Variants in KCNK13 observed in about 807,000 individuals in gnomAD.
KCNK13 encodes potassium channel subfamily K member 13.
A neutral mutation model predicts 23.4 loss-of-function variants in KCNK13; 12 were observed. The ratio of observed to expected loss-of-function variants is 0.51; its 90% CI spans 0.33 to 0.83. The LOEUF is 0.83. KCNK13 is among the 40% of genes least tolerant of loss of function. KCNK13 has a pLI of 0.02. For synonymous variants in KCNK13, 231 were observed against 229.5 expected, an observed-to-expected ratio of 1.01 and a Z score of -0.06; for missense variants, 463 against 556.3, an observed-to-expected ratio of 0.83 and a Z score of 1.69.
chr14:90,105,010 A>C (rs570701879), intron 1 of KCNK13, among the ~76,000 whole-genome samples: 4 of 151,806 alleles, frequency 2.6e-5, no homozygotes, highest in South Asian at 2.1e-4. Flanking sequence ...GGCTGGTCTC[A>C]AACTCCTGAC....
chr14:90,126,360 C>G (rs573307058), intron 1 of KCNK13, among the ~76,000 whole-genome samples: 2 of 152,220 alleles, frequency 1.3e-5, no homozygotes, highest in African/African-American at 2.4e-5. Flanking sequence ...ACCTGCCCAA[C>G]GCTGCCTCAC....
rs2140383296 is a variant in KCNK13 at position 90,062,045 on chromosome 14, A to G, written c.-161A>G. 1 of 424,154 alleles carries G rather than the reference A, an allele frequency of 2.4e-6. No homozygotes were observed. Among genetic ancestry groups the G allele is most frequent in the Non-Finnish European group, 4.0e-6 (1 of 250,864 alleles). The allele number at this position is 424,154 out of a possible 1,614,324, so 26.3% of individuals were successfully genotyped here. ...GAGCTACCGAGGCGGCGGCCGGGGG[A>G]GCCTCGCGGCCTGCGGGAGAGCCCG... On this transcript the variant is annotated 5_prime_UTR_variant, in exon 1 of 2. Transcript: ENST00000282146. This position sits in a 1 kb window ranked among gnomAD's most constrained non-coding sequence, Gnocchi z 4.5.
At chr14:90,113,250 G>A (rs1484386342) in intron 1 of KCNK13, among the ~76,000 whole-genome samples, 1 of 151,982 alleles carries the variant, frequency 6.6e-6, no homozygotes, top group Non-Finnish European at 1.5e-5. Context: ...GGAAAAACAT[G>A]GTACTGGTTT....
At chr14:90,109,398 C>CCTTTT in intron 1 of KCNK13, among the ~76,000 whole-genome samples, 1 of 143,212 alleles carries the variant, frequency 7.0e-6, no homozygotes, top group South Asian at 2.2e-4. Context: ...TGCAGGACTT[C>CCTTTT]CTTTTCTTTC....
At chr14:90,138,192 G>C (rs1430992183) in intron 1 of KCNK13, among the ~76,000 whole-genome samples, 1 of 152,072 alleles carries the variant, frequency 6.6e-6, no homozygotes, top group African/African-American at 2.4e-5. Context: ...GTTTGTAGAA[G>C]TAATATGTGC....
Position 90,122,919 on chromosome 14 carries a change from G to A in KCNK13, c.334+60380G>A, listed in dbSNP as rs532105476. 1.2e-4 allele frequency among the ~76,000 whole-genome samples: 19 copies of A among 152,226 alleles called. No homozygotes were observed. In the South Asian group the frequency reaches 1.5e-3, roughly 12 times the overall value. ...TGGGTAGATTTCCCAGCACGGTTCC[G>A]TCACACACTATCTCAGCACTCTCAT... is the stretch of plus-strand genomic sequence containing the variant. On this transcript the variant is annotated intron_variant, in intron 1 of 1. Coordinates refer to ENST00000282146, the MANE Select transcript of KCNK13 (RefSeq NM_022054.4).
intron 1 of KCNK13, among the ~76,000 whole-genome samples, chr14:90,094,738 C>T (rs560810938): frequency 6.7e-6 from 1 of 149,520 alleles, no homozygotes; most frequent in East Asian, 2.0e-4. Context: ...AGCTCCGCCT[C>T]CCGGGTTCAC....
At chr14:90,104,130 C>G (rs901839253) in intron 1 of KCNK13, among the ~76,000 whole-genome samples, 2 of 152,078 alleles carry the variant, frequency 1.3e-5, no homozygotes, top group Non-Finnish European at 2.9e-5. Flanking sequence ...TCACTCATCT[C>G]GCTCCTCTAC....
At chr14:90,091,083 C>T (rs995167782) in intron 1 of KCNK13, among the ~76,000 whole-genome samples, 6 of 152,138 alleles carry the variant, frequency 3.9e-5, no homozygotes, top group East Asian at 3.8e-4. Flanking sequence ...GCTCAAGTGC[C>T]GAGGTTCCTC....
At chr14:90,121,721 ATTTTAT>A (rs1213570025) in intron 1 of KCNK13, among the ~76,000 whole-genome samples, 2 of 151,798 alleles carry the variant, frequency 1.3e-5, no homozygotes, top group African/African-American at 4.8e-5. Flanking sequence ...TGTGCTTTTT[ATTTTAT>A]TTTATTTTTT....
chr14:90,068,856 C>T (rs1870818059), intron 1 of KCNK13, among the ~76,000 whole-genome samples: 1 of 151,932 alleles, frequency 6.6e-6, no homozygotes, highest in East Asian at 1.9e-4. Flanking sequence ...ATGACCTCCT[C>T]GCCAACTGGA....
At chr14:90,081,028 G>A (rs1435772542) in intron 1 of KCNK13, among the ~76,000 whole-genome samples, 1 of 152,238 alleles carries the variant, frequency 6.6e-6, no homozygotes, top group Non-Finnish European at 1.5e-5. Flanking sequence ...ATGAGAATCT[G>A]CCAGAAGAAA....
chr14:90,083,583 A>G (rs1422879007), intron 1 of KCNK13, among the ~76,000 whole-genome samples: 1 of 152,196 alleles, frequency 6.6e-6, no homozygotes, highest in Non-Finnish European at 1.5e-5. Context: ...GGCTCTGCCC[A>G]CTTGGATGGG....
chr14:90,179,504 C>T (rs1890461599), intron 1 of KCNK13, among the ~76,000 whole-genome samples: 6 of 152,140 alleles, frequency 3.9e-5, no homozygotes, highest in African/African-American at 1.4e-4. Context: ...AGCAGAGAGC[C>T]TGGGATTGGT....
chr14:90,133,919 G>A (rs373280924), intron 1 of KCNK13, among the ~76,000 whole-genome samples: 2 of 152,136 alleles, frequency 1.3e-5, no homozygotes, highest in African/African-American at 4.8e-5. Flanking sequence ...ATAACTCCAT[G>A]GGTGCTTCTA....
chr14:90,168,937 C>T (rs1313944589), intron 1 of KCNK13, among the ~76,000 whole-genome samples: 1 of 152,140 alleles, frequency 6.6e-6, no homozygotes, highest in Non-Finnish European at 1.5e-5. Flanking sequence ...GGTTTTATAA[C>T]CTCTGGCCTG....
intron 1 of KCNK13, among the ~76,000 whole-genome samples, chr14:90,098,844 C>G (rs891891275): frequency 6.6e-6 from 1 of 152,062 alleles, no homozygotes; most frequent in African/African-American, 2.4e-5. Flanking sequence ...TTTGGGGGGG[C>G]CGAGGCAGGT....
intron 1 of KCNK13, among the ~76,000 whole-genome samples, chr14:90,147,435 T>TGTG (rs1890086128): frequency 4.6e-5 from 7 of 151,534 alleles, no homozygotes; most frequent in East Asian, 2.0e-4. Flanking sequence ...TGGGATAGGA[T>TGTG]CTTCTTTCTT....
intron 1 of KCNK13, among the ~76,000 whole-genome samples, chr14:90,090,691 C>G (rs1158273538): frequency 1.3e-5 from 2 of 152,136 alleles, no homozygotes; most frequent in African/African-American, 4.8e-5. Flanking sequence ...TCACAATTCC[C>G]ACGTGTCATG....
Sources: gnomAD v4.1 joint callset for allele counts (sites outside exome capture counted in the v4.1 genomes callset) on GRCh38, gnomAD v4.1.1 for gene constraint, Gnocchi (gnomAD v3.1) non-coding constraint, MANE v1.5 for transcripts, NCBI Gene and HGNC (gene_info 2026-07-23, HGNC 2026-07-21) for gene names.